Variants in SLC13A3 observed in about 807,000 individuals in gnomAD.
SLC13A3 encodes Na(+)/dicarboxylate cotransporter 3.
A neutral mutation model predicts 59.0 loss-of-function variants in SLC13A3; 40 were observed. The ratio of observed to expected loss-of-function variants is 0.68; its 90% CI spans 0.53 to 0.88. SLC13A3 has a LOEUF of 0.88. Among genes scored for constraint, SLC13A3 ranks in the 40% least tolerant of loss-of-function variants. SLC13A3 has a pLI of 0.00. For missense variants in SLC13A3, 699 were observed against 783.2 expected (o/e 0.89, Z 1.28); for synonymous variants, 317 against 330.3 (o/e 0.96, Z 0.44).
At position 46,612,110 on chromosome 20, in the gene SLC13A3, TC is replaced by T. The variant is rs1568936237; in HGVS notation, c.377+1349del. Among the ~76,000 whole-genome samples, 29 of 144,326 alleles carry T rather than the reference TC, an allele frequency of 2.0e-4. 2 individuals carry two copies. Among genetic ancestry groups the T allele is most frequent in the African/African-American group, 8.0e-4 (29 of 36,212 alleles). 94.7% of individuals were successfully genotyped at this position (144,326 alleles called of 152,430 possible). A position where few individuals can be genotyped will look rare whatever the true frequency, so the allele number is the denominator to read the frequency against. ...CTTTTCTTTTCTTTCTTTCTCTCTT[TC>T]TCTCTCTCTTTGCTTTTTTTTTTTT... On this transcript the variant is annotated intron_variant, in intron 2 of 12. Coordinates refer to ENST00000279027, the MANE Select transcript of SLC13A3 (RefSeq NM_022829.6).
chr20:46,628,673 T>C (rs1280986580), intron 1 of SLC13A3, among the ~76,000 whole-genome samples: 1 of 152,204 alleles, frequency 6.6e-6, no homozygotes, highest in Non-Finnish European at 1.5e-5. Flanking sequence ...GTCTAAACAG[T>C]GGAGCCCTGG....
At chr20:46,589,626 G>C (rs1035341693) in intron 6 of SLC13A3, among the ~76,000 whole-genome samples, 4 of 152,282 alleles carry the variant, frequency 2.6e-5, no homozygotes, top group African/African-American at 7.2e-5. Flanking sequence ...GGAAAAGATG[G>C]GCTATTCAGT....
At position 46,663,076 on chromosome 20, in the gene SLC13A3, C is replaced by T. The variant is rs141054631; in HGVS notation, c.-31+6967G>A. 5.8e-4 allele frequency among the ~76,000 whole-genome samples: 89 copies of T among 152,164 alleles called. 1 individual carries two copies. Among genetic ancestry groups the T allele is most frequent in the African/African-American group, 2.1e-3 (87 of 41,518 alleles). On this transcript the variant is annotated intron_variant, in intron 1 of 12. Coordinates refer to the SLC13A3 transcript ENST00000290317. ...AGGCCGAGGTAGGATTGCTTGAGACCAGAAGTTTGATATCAGCCTGGGCAA... is the reference window on the plus strand; with the variant it reads ...AGGCCGAGGTAGGATTGCTTGAGACTAGAAGTTTGATATCAGCCTGGGCAA...
chr20:46,566,307 A>G lies in SLC13A3; in HGVS notation c.1416T>C (p.Thr472=), dbSNP rs372277636. ...VPPALAVLLI[T]VVIAFFTEFA... is the part of the protein sequence containing the mutation. ...ACTCAGTGAAGAAGGCGATGACCACAGTGATGAGCAGCACAGCCAGGGCGG... is the reference window on the plus strand; with the variant it reads ...ACTCAGTGAAGAAGGCGATGACCACGGTGATGAGCAGCACAGCCAGGGCGG... The change falls in exon 11 of 13, where the codon ACT becomes ACC. Residue 472 remains threonine, a synonymous_variant. Transcript: ENST00000279027. 2.4e-5 allele frequency: 39 copies of G among 1,613,408 alleles called. No homozygotes were observed. Among genetic ancestry groups the G allele is most frequent in the Non-Finnish European group, 3.1e-5 (36 of 1,179,576 alleles).
chr20:46,645,845 C>T (rs2062889425), intron 1 of SLC13A3, among the ~76,000 whole-genome samples: 1 of 152,072 alleles, frequency 6.6e-6, no homozygotes, highest in Non-Finnish European at 1.5e-5. Context: ...TACATGATAC[C>T]CACAGAAAAT....
At chr20:46,640,618 C>T (rs1568951999) in intron 1 of SLC13A3, among the ~76,000 whole-genome samples, 1 of 152,200 alleles carries the variant, frequency 6.6e-6, no homozygotes, top group Non-Finnish European at 1.5e-5. Context: ...TATCATTATG[C>T]CCACTTTGCA....
intron 1 of SLC13A3, among the ~76,000 whole-genome samples, chr20:46,646,040 AT>A (rs972877525): frequency 6.6e-6 from 1 of 152,192 alleles, no homozygotes; most frequent in African/African-American, 2.4e-5. Flanking sequence ...TCTGGGGTGC[AT>A]GGGGGAAAAC....
chr20:46,594,425 T>G (rs1287276278), intron 5 of SLC13A3, among the ~76,000 whole-genome samples: 1 of 152,138 alleles, frequency 6.6e-6, no homozygotes, highest in East Asian at 1.9e-4. Flanking sequence ...CCTCCAATTC[T>G]CTCCATCCCC....
At chr20:46,614,862 T>C (rs1434373253) in intron 1 of SLC13A3, among the ~76,000 whole-genome samples, 1 of 152,126 alleles carries the variant, frequency 6.6e-6, no homozygotes, top group Non-Finnish European at 1.5e-5. Flanking sequence ...ACAAAGTAAT[T>C]TAAATCTAAT....
chr20:46,575,757 C>G, intron 9 of SLC13A3, 72 bp from the exon 10 acceptor site: 1 of 877,580 alleles, frequency 1.1e-6, no homozygotes, highest in Non-Finnish European at 1.7e-6. Flanking sequence ...AGCCCTGAGC[C>G]CCATCTTACC....
At chr20:46,677,201 A>G (rs1240476672) in intron 1 of SLC13A3, among the ~76,000 whole-genome samples, 1 of 152,236 alleles carries the variant, frequency 6.6e-6, no homozygotes, top group Non-Finnish European at 1.5e-5. Context: ...AGCACAAGCC[A>G]CCACCTGGCC....
intron 1 of SLC13A3, among the ~76,000 whole-genome samples, chr20:46,622,623 T>TGTGTGTGTGTGTGTGTGTGC: frequency 3.1e-4 from 1 of 3,222 alleles, no homozygotes; most frequent in East Asian, 4.0e-3. Flanking sequence ...GGTGTGTGCG[T>TGTGTGTGTGTGTGTGTGTGC]GTGTGTGTGT....
In SLC13A3 at chr20:46,566,287, G is replaced by A. The variant is rs576353313; in HGVS notation, c.1436C>T (p.Thr479Ile). 6.2e-7 allele frequency: 1 copy of A among 1,613,856 alleles called. No homozygotes were observed. The highest frequency in any genetic ancestry group is 1.3e-5 in the African/African-American group (1 of 75,024). Residue 479 changes from threonine to isoleucine, a missense_variant, in exon 11 of 13, where the codon ACT becomes ATT. Coordinates refer to ENST00000279027, the MANE Select transcript of SLC13A3 (RefSeq NM_022829.6). ...GGTCGCCGTGTTGCTGGCAAACTCA[G>A]TGAAGAAGGCGATGACCACAGTGAT... Reference protein sequence around the residue: ...LLITVVIAFFTEFASNTATII... With the variant: ...LLITVVIAFFIEFASNTATII...
intron 1 of SLC13A3, among the ~76,000 whole-genome samples, chr20:46,678,095 G>A (rs1000466939): frequency 2.0e-5 from 3 of 152,178 alleles, no homozygotes; most frequent in Non-Finnish European, 2.9e-5. Context: ...CCACTTTACA[G>A]GTGGAGAAAC....
intron 3 of SLC13A3, among the ~76,000 whole-genome samples, chr20:46,603,428 G>A (rs940271770): frequency 6.6e-6 from 1 of 151,854 alleles, no homozygotes; most frequent in Non-Finnish European, 1.5e-5. Flanking sequence ...AGGCTGGAGG[G>A]CAGTGGCACG....
chr20:46,642,477 G>C (rs2062854314), intron 1 of SLC13A3, among the ~76,000 whole-genome samples: 1 of 152,222 alleles, frequency 6.6e-6, no homozygotes, highest in Non-Finnish European at 1.5e-5. Context: ...TAGGTGCTCA[G>C]TCTATGGTTG....
intron 1 of SLC13A3, among the ~76,000 whole-genome samples, chr20:46,617,861 T>C (rs1197879669): frequency 2.0e-5 from 3 of 152,150 alleles, no homozygotes; most frequent in Non-Finnish European, 2.9e-5. Flanking sequence ...TTTAAAAATA[T>C]ACAATTACTT....
rs1045836308 is a variant in SLC13A3, at chr20:46,643,584, G to A, written c.111+7727C>T. On this transcript the variant is annotated intron_variant, in intron 1 of 12. Transcript: ENST00000279027. ...TTGGAAGATGGATCAGCAAGGAAAC[G>A]GGGACCAGAACTCCTAATAAACATA... Among the ~76,000 whole-genome samples the A allele has an allele frequency of 3.3e-5, 5 of 152,128 alleles. No individual in the cohort carries two copies. The East Asian group carries it at 7.7e-4, about 23-fold the overall frequency.
intron 10 of SLC13A3, among the ~76,000 whole-genome samples, chr20:46,573,395 A>T (rs1224078480): frequency 6.6e-6 from 1 of 152,186 alleles, no homozygotes. Flanking sequence ...TCTAAAGGTC[A>T]TCTCAGCTCC....
Sources: allele counts gnomAD v4.1 joint callset (sites outside exome capture counted in the v4.1 genomes callset), GRCh38; gene constraint gnomAD v4.1.1; transcripts MANE v1.5; gene names NCBI Gene and HGNC (gene_info 2026-07-23, HGNC 2026-07-21).